The following NID1 variants were observed in gnomAD, a reference collection of about 807,000 sequenced individuals.
The protein encoded by NID1 is nidogen-1.
Under a neutral mutation model 130.6 loss-of-function variants are expected in NID1, and 76 were observed. The ratio of observed to expected loss-of-function variants is 0.58; its 90% CI spans 0.48 to 0.70. NID1 has a LOEUF of 0.70. Among genes scored for constraint, NID1 ranks in the 30% least tolerant of loss-of-function variants. The pLI, the probability that NID1 is intolerant of heterozygous loss-of-function variation, is 0.00. For synonymous variants in NID1, 665 were observed against 675.1 expected (o/e 0.98, Z 0.23); for missense variants, 1,517 against 1,664.8 (o/e 0.91, Z 1.54).
chr1:235,982,758 A>G (rs1274816854), intron 15 of NID1, among the ~76,000 whole-genome samples: 2 of 152,152 alleles, frequency 1.3e-5, no homozygotes, highest in African/African-American at 2.4e-5. Context: ...TTTCCCTTCT[A>G]CTGATTAAAG....
At chr1:236,021,138 T>C (rs1040150221) in intron 9 of NID1, among the ~76,000 whole-genome samples, 2 of 152,020 alleles carry the variant, frequency 1.3e-5, no homozygotes, top group African/African-American at 4.8e-5. Context: ...AGGAGCCCCA[T>C]CCCCGCATGC....
chr1:236,061,407 C>T (rs933562528), intron 1 of NID1, among the ~76,000 whole-genome samples: 21 of 152,136 alleles, frequency 1.4e-4, no homozygotes, highest in African/African-American at 4.3e-4. Flanking sequence ...CATCACTTGC[C>T]GGCTAATGTT....
At chr1:235,984,985 A>T (rs1194615550) in intron 15 of NID1, among the ~76,000 whole-genome samples, 1 of 152,006 alleles carries the variant, frequency 6.6e-6, no homozygotes, top group African/African-American at 2.4e-5. Context: ...GTCAGGAGAT[A>T]GAGACCATTC....
intron 12 of NID1, among the ~76,000 whole-genome samples, chr1:236,008,154 A>G (rs929031368): frequency 1.3e-5 from 2 of 152,236 alleles, no homozygotes; most frequent in Admixed American, 6.5e-5. Flanking sequence ...TTTCTAGATT[A>G]TTGTTTGCTA....
At chr1:236,025,263 C>CTTTTTTTTTT (rs750410998) in intron 8 of NID1, among the ~76,000 whole-genome samples, 1,314 of 123,508 alleles carry the variant, frequency 0.011, 78 homozygotes, top group African/African-American at 0.036. Context: ...TACAATTTCT[C>CTTTTTTTTTT]TTTTTTTTTT....
chr1:235,979,963 A>G lies in NID1; in HGVS notation c.3386-18T>C. The G allele has an allele frequency of 1.2e-6, 2 of 1,613,338 alleles. No homozygotes were observed. The highest frequency in any genetic ancestry group is 1.7e-6 in the Non-Finnish European group (2 of 1,179,492). On this transcript the variant is annotated intron_variant, in intron 17 of 19. Coordinates refer to ENST00000264187, the MANE Select transcript of NID1 (RefSeq NM_002508.3). This position sits in a 1 kb window ranked among gnomAD's most constrained non-coding sequence, Gnocchi z 4.6. The stretch of plus-strand genomic sequence containing the variant: ...ATTGGTGCCTGTGTGGAGTGGAAAC[A>G]ATTCATTCATTGTTCACACAAGAAA...
Position 236,042,175 on chromosome 1 carries a change from A to T in NID1, c.870T>A (p.Asp290Glu), listed in dbSNP as rs1461121932. The change falls in exon 4 of 20, where the codon GAT becomes GAA. Residue 290 changes from aspartate to glutamate, a missense_variant. By Grantham distance (45) the Asp-to-Glu change is conservative. Around this residue, in one of 3 missense-constraint regions of NID1, gnomAD observed 1,329 missense variants for 1,429.2 expected, o/e 0.93. Coordinates refer to ENST00000264187, the MANE Select transcript of NID1 (RefSeq NM_002508.3). ...ILGTEDGAEY[D>E]DEDEDYDLAT... ...CCAGGTCATAATCTTCATCCTCATC[A>T]TCATACTCTGCCCCATCTTCAGTTC... 3 of 1,613,822 alleles carry T rather than the reference A, an allele frequency of 1.9e-6. No individual in the cohort carries two copies. Among genetic ancestry groups the T allele is most frequent in the Non-Finnish European group, 2.5e-6 (3 of 1,180,010 alleles).
At position 235,993,740 on chromosome 1, in the gene NID1, G is replaced by A; in HGVS notation, c.2660C>T (p.Thr887Ile). 6.2e-7 allele frequency: 1 copy of A among 1,613,030 alleles called. No homozygotes were observed. Among genetic ancestry groups the A allele is most frequent in the Non-Finnish European group, 8.5e-7 (1 of 1,179,398 alleles). ...GTAGCCGGTGCTGCCGTGGCACTGG[G>A]TGGGCGCGTAGTGCCCGTGCGCATC... ...ECDAHGHYAP[T>I]QCHGSTGYCW... is the part of the protein sequence containing the mutation. Residue 887 changes from threonine (T) to isoleucine (I), a missense_variant, in exon 13 of 20, where the codon ACC becomes ATC. This residue lies in a region of NID1 where 1,329 missense variants were observed against 1,429.2 expected (regional missense o/e 0.93). Coordinates refer to ENST00000264187, the MANE Select transcript of NID1 (RefSeq NM_002508.3).
Position 236,026,125 on chromosome 1 carries a change from G to A in NID1, c.1755C>T (p.Ser585=). Residue 585 remains serine, a synonymous_variant, in exon 8 of 20, where the codon TCC becomes TCT. Transcript: ENST00000264187. The part of the protein sequence containing the change: ...HYSTSVITSS[S]TREYTVTEPE... Reference sequence around the variant, plus strand: ...GCTCAGTCACCGTGTACTCCCGGGTGGAGGAGGAAGTGATCACTGCAGAGT... The same window carrying A: ...GCTCAGTCACCGTGTACTCCCGGGTAGAGGAGGAAGTGATCACTGCAGAGT... 6.2e-7 allele frequency: 1 copy of A among 1,613,790 alleles called. No homozygotes were observed.
At position 235,980,505 on chromosome 1, in the gene NID1, C is replaced by T; in HGVS notation, c.3376G>A (p.Val1126Met). ...TCCAGCTTTCCATCACCTGCATCCACCCAGCAGAGCTGAGATGAGAACGCA... is the reference window on the plus strand; with the variant it reads ...TCCAGCTTTCCATCACCTGCATCCATCCAGCAGAGCTGAGATGAGAACGCA... The part of the protein sequence containing the change: ...FDAFSSQLCW[V>M]DAGTNRAECL... Residue 1126 changes from valine (V) to methionine (M), a missense_variant, in exon 17 of 20, where the codon GTG (valine) becomes ATG (methionine). Val to Met is a conservative substitution (Grantham distance 21, BLOSUM62 1). This residue lies in a region of NID1 where 181 missense variants were observed against 211.3 expected (regional missense o/e 0.86). Transcript: ENST00000264187. The T allele has an allele frequency of 2.5e-6, 4 of 1,614,112 alleles. No homozygotes were observed. Among genetic ancestry groups the T allele is most frequent in the Non-Finnish European group, 3.4e-6 (4 of 1,179,986 alleles).
At chr1:236,005,960 T>C (rs1402140091) in intron 12 of NID1, among the ~76,000 whole-genome samples, 1 of 152,182 alleles carries the variant, frequency 6.6e-6, no homozygotes, top group African/African-American at 2.4e-5. Context: ...AGTTATGTCA[T>C]GTGAATCAGA....
intron 19 of NID1, 92 bp from the exon 20 acceptor site, chr1:235,978,080 C>T (rs760454604): frequency 5.3e-5 from 78 of 1,474,906 alleles, no homozygotes; most frequent in Non-Finnish European, 7.0e-5. Flanking sequence ...GTGTGATCCC[C>T]CTTTTAGTTT....
Position 236,007,214 on chromosome 1 carries a change from G to T in NID1, c.2527+4707C>A, listed in dbSNP as rs1038907974. On this transcript the variant is annotated intron_variant, in intron 12 of 19. Transcript: ENST00000264187. ...CATGCCTAGAAGTTTTAAATTTTTT[G>T]ATAGAGATGGGGTCTTGCTATGTTG... 2.0e-4 allele frequency among the ~76,000 whole-genome samples: 31 copies of T among 152,156 alleles called. 1 individual carries two copies. The highest frequency in any genetic ancestry group is 2.0e-3 in the Admixed American group (31 of 15,276).
chr1:235,983,859 C>G (rs1401525127), intron 15 of NID1, among the ~76,000 whole-genome samples: 2 of 152,000 alleles, frequency 1.3e-5, no homozygotes, highest in Non-Finnish European at 2.9e-5. Flanking sequence ...AGAAAGAAAG[C>G]CTGGGATCCG....
intron 1 of NID1, among the ~76,000 whole-genome samples, chr1:236,050,821 T>TA (rs1659745283): frequency 6.6e-6 from 1 of 152,188 alleles, no homozygotes; most frequent in Admixed American, 6.5e-5. Context: ...CTCACGCCTG[T>TA]AATCCCAACA....
At chr1:236,018,514 G>A (rs1403506744) in intron 9 of NID1, among the ~76,000 whole-genome samples, 1 of 152,228 alleles carries the variant, frequency 6.6e-6, no homozygotes, top group African/African-American at 2.4e-5. Context: ...GCTACCACTT[G>A]TGTAAGGCTG....
chr1:236,043,916 A>G (rs903295778), intron 3 of NID1, among the ~76,000 whole-genome samples: 2 of 152,240 alleles, frequency 1.3e-5, no homozygotes, highest in African/African-American at 2.4e-5. Context: ...ATGAGATACA[A>G]AATCCAAAAG....
chr1:235,989,393 G>A (rs753098392), intron 14 of NID1, among the ~76,000 whole-genome samples: 1 of 152,170 alleles, frequency 6.6e-6, no homozygotes, highest in Non-Finnish European at 1.5e-5. Flanking sequence ...GCTGGAGATG[G>A]AAATGACACA....
Position 236,041,955 on chromosome 1 carries a change from G to A in NID1, c.1090C>T (p.His364Tyr), listed in dbSNP as rs764683969. Residue 364 changes from histidine (H) to tyrosine (Y), a missense_variant, in exon 4 of 20, where the codon CAC becomes TAC. By Grantham distance (83) the His-to-Tyr change is moderately conservative. This residue lies in a region of NID1 where 1,329 missense variants were observed against 1,429.2 expected (regional missense o/e 0.93). Transcript: ENST00000264187. ...QLAVETFHQQ[H>Y]PQVIDVDEVE... Reference sequence around the variant, plus strand: ...TCATCCACATCTATGACCTGAGGGTGCTGCTGGTGAAAAGTCTCCACTGCC... The same window carrying A: ...TCATCCACATCTATGACCTGAGGGTACTGCTGGTGAAAAGTCTCCACTGCC... The A allele has an allele frequency of 1.2e-6, 2 of 1,613,966 alleles. No individual in the cohort carries two copies. Among genetic ancestry groups the A allele is most frequent in the Admixed American group, 1.7e-5 (1 of 59,976 alleles).
Sources: gnomAD v4.1 joint callset for allele counts (sites outside exome capture counted in the v4.1 genomes callset) on GRCh38, gnomAD v4.1.1 for gene constraint, gnomAD v4.1.1 regional missense constraint, Gnocchi (gnomAD v3.1) non-coding constraint, MANE v1.5 for transcripts, NCBI Gene and HGNC (gene_info 2026-07-23, HGNC 2026-07-21) for gene names.